ZNF536: variants seen among roughly 807,000 people sequenced by gnomAD.
The protein encoded by ZNF536 is zinc finger protein 536.
In ZNF536, 13 loss-of-function variants were observed where a neutral mutation model predicts 84.5. The observed-to-expected ratio is 0.15, with a 90% CI of 0.10 to 0.24. The LOEUF (loss-of-function observed/expected upper bound fraction) is 0.24. ZNF536 is among the 10% of genes least tolerant of loss of function. The pLI, the probability that ZNF536 is intolerant of heterozygous loss-of-function variation, is 1.00. For missense variants in ZNF536, 1,536 were observed against 1,747.5 expected (o/e 0.88, Z 2.16); for synonymous variants, 811 against 742.5 (o/e 1.09, Z -1.50).
At chr19:30,701,331 A>G (rs1217460335) in intron 1 of ZNF536, among the ~76,000 whole-genome samples, 1 of 151,842 alleles carries the variant, frequency 6.6e-6, no homozygotes, top group East Asian at 1.9e-4. Flanking sequence ...ACAAACACAA[A>G]CACACCAACA....
At chr19:30,589,337 G>A (rs558834847) in intron 1 of ZNF536, among the ~76,000 whole-genome samples, 2 of 152,310 alleles carry the variant, frequency 1.3e-5, no homozygotes, top group East Asian at 1.9e-4. Flanking sequence ...GAAAGGCAGC[G>A]ATGTTGACTC....
intron 1 of ZNF536, among the ~76,000 whole-genome samples, chr19:30,593,827 G>A (rs2047355843): frequency 6.6e-6 from 1 of 152,238 alleles, no homozygotes; most frequent in Non-Finnish European, 1.5e-5. Flanking sequence ...CTGCCAGCCT[G>A]GCTGGTCTTC....
intron 2 of ZNF536, among the ~76,000 whole-genome samples, chr19:30,513,374 C>T (rs1477947249): frequency 6.6e-6 from 1 of 152,234 alleles, no homozygotes; most frequent in East Asian, 1.9e-4. Flanking sequence ...CCAGGTGCAA[C>T]GACCCTGCAG....
At chr19:30,626,687 C>G (rs1221058414) in intron 1 of ZNF536, among the ~76,000 whole-genome samples, 1 of 152,164 alleles carries the variant, frequency 6.6e-6, no homozygotes, top group Non-Finnish European at 1.5e-5. Context: ...CTGCACGACG[C>G]AAGGAAGCTC....
intron 2 of ZNF536, among the ~76,000 whole-genome samples, chr19:30,494,465 T>G (rs2054634543): frequency 6.6e-6 from 1 of 152,174 alleles, no homozygotes; most frequent in Non-Finnish European, 1.5e-5. Flanking sequence ...GGTGCGACAA[T>G]GGACTTAACC....
At chr19:30,652,063 C>A (rs929865143) in intron 1 of ZNF536, among the ~76,000 whole-genome samples, 1 of 152,160 alleles carries the variant, frequency 6.6e-6, no homozygotes, top group Non-Finnish European at 1.5e-5. Flanking sequence ...AAGGCCAGGC[C>A]AGAGGATCTG....
At chr19:30,409,627 G>A (rs1485014918) in intron 1 of ZNF536, among the ~76,000 whole-genome samples, 3 of 152,240 alleles carry the variant, frequency 2.0e-5, no homozygotes, top group African/African-American at 7.2e-5. Flanking sequence ...CACATTTAAA[G>A]ATTTGAATAC....
At chr19:30,575,235 C>G (rs1299065794) in intron 1 of ZNF536, among the ~76,000 whole-genome samples, 1 of 152,234 alleles carries the variant, frequency 6.6e-6, no homozygotes, top group African/African-American at 2.4e-5. Flanking sequence ...CAAAAACAGC[C>G]AGAAGCCCTA....
chr19:30,642,841 G>A (rs568019785), intron 1 of ZNF536, among the ~76,000 whole-genome samples: 2 of 152,224 alleles, frequency 1.3e-5, no homozygotes, highest in African/African-American at 4.8e-5. Context: ...GGATCTCTTT[G>A]TCCTGAGCAC....
At chr19:30,326,802 T>TTTTTG (rs2047047207) in intron 2 of ZNF536, among the ~76,000 whole-genome samples, 1 of 128,192 alleles carries the variant, frequency 7.8e-6, no homozygotes. Context: ...TTTTTTTTTT[T>TTTTTG]TTTTTTTTTT....
chr19:30,536,618 G>C (rs1295544598), intron 3 of ZNF536, among the ~76,000 whole-genome samples: 1 of 152,152 alleles, frequency 6.6e-6, no homozygotes, highest in Non-Finnish European at 1.5e-5. Context: ...CAGAAGAAAT[G>C]CTCAAATAAG....
intron 1 of ZNF536, among the ~76,000 whole-genome samples, chr19:30,695,344 A>C (rs138371862): frequency 4.7e-4 from 71 of 152,316 alleles, no homozygotes; most frequent in Non-Finnish European, 8.2e-4. Context: ...CTGGTTCCTT[A>C]TCCAGTCCCT....
At chr19:30,598,334 C>T (rs1341021033) in intron 1 of ZNF536, among the ~76,000 whole-genome samples, 1 of 152,150 alleles carries the variant, frequency 6.6e-6, no homozygotes, top group African/African-American at 2.4e-5. Context: ...CCCTAACTTA[C>T]CTTTACAGAA....
intron 2 of ZNF536, among the ~76,000 whole-genome samples, chr19:30,311,279 A>C (rs2046495117): frequency 6.6e-6 from 1 of 152,184 alleles, no homozygotes; most frequent in African/African-American, 2.4e-5. Context: ...AGGACTGGTT[A>C]TAAGGGCCCT....
intron 1 of ZNF536, among the ~76,000 whole-genome samples, chr19:30,611,732 C>T (rs1189481840): frequency 2.0e-5 from 3 of 152,050 alleles, no homozygotes; most frequent in African/African-American, 4.8e-5. Context: ...AATGTGATAC[C>T]CACAAAATTC....
At chr19:30,415,328 T>C (rs1387081296) in intron 1 of ZNF536, among the ~76,000 whole-genome samples, 1 of 147,504 alleles carries the variant, frequency 6.8e-6, no homozygotes, top group East Asian at 2.0e-4. Context: ...CTTCTTCTTC[T>C]TCCTCTTCTT....
intron 3 of ZNF536, among the ~76,000 whole-genome samples, chr19:30,539,819 C>A (rs924375958): frequency 6.6e-6 from 1 of 152,318 alleles, no homozygotes; most frequent in Non-Finnish European, 1.5e-5. Context: ...GTGAGCACCT[C>A]ATGCGTGGCT....
At chr19:30,601,894 A>T (rs1473045474) in intron 1 of ZNF536, among the ~76,000 whole-genome samples, 2 of 152,166 alleles carry the variant, frequency 1.3e-5, no homozygotes, top group Admixed American at 1.3e-4. Flanking sequence ...CAGAAACCCC[A>T]TTCTAGAACT....
intron 2 of ZNF536, among the ~76,000 whole-genome samples, chr19:30,458,316 C>T (rs1305087520): frequency 3.3e-5 from 5 of 151,970 alleles, no homozygotes; most frequent in Non-Finnish European, 7.4e-5. Flanking sequence ...TCAATGTTTC[C>T]CCCACCTTTC....
Sources: allele counts gnomAD v4.1 joint callset (sites outside exome capture counted in the v4.1 genomes callset), GRCh38; gene constraint gnomAD v4.1.1; transcripts MANE v1.5; gene names NCBI Gene and HGNC (gene_info 2026-07-23, HGNC 2026-07-21).